TPRG1: variants seen among roughly 807,000 people sequenced by gnomAD.
The protein encoded by TPRG1 is tumor protein p63-regulated gene 1 protein.
A neutral mutation model predicts 29.3 loss-of-function variants in TPRG1; 29 were observed. The observed-to-expected ratio is 0.99, with a 90% CI of 0.74 to 1.35. TPRG1 has a LOEUF of 1.35. Among genes scored for constraint, TPRG1 ranks in the 40% most tolerant of loss-of-function variants. The pLI, the probability that TPRG1 is intolerant of heterozygous loss-of-function variation, is 0.00. For synonymous variants in TPRG1, 130 were observed against 116.8 expected, an observed-to-expected ratio of 1.11 and a Z score of -0.73; for missense variants, 327 against 335.0, an observed-to-expected ratio of 0.98 and a Z score of 0.19.
intron 4 of TPRG1, among the ~76,000 whole-genome samples, chr3:189,244,890 G>T (rs1579011400): frequency 6.6e-6 from 1 of 151,952 alleles, no homozygotes; most frequent in Non-Finnish European, 1.5e-5. Context: ...CTATTGTTTT[G>T]CTAATTACTA....
At chr3:189,230,654 T>C (rs184970918) in intron 3 of TPRG1, among the ~76,000 whole-genome samples, 54 of 152,314 alleles carry the variant, frequency 3.5e-4, no homozygotes, top group African/African-American at 1.2e-3. Flanking sequence ...TCTGTATTGA[T>C]GTGTCTGTCT....
At chr3:189,296,943 G>A (rs1028873016) in intron 4 of TPRG1, among the ~76,000 whole-genome samples, 1 of 152,026 alleles carries the variant, frequency 6.6e-6, no homozygotes, top group Non-Finnish European at 1.5e-5. Flanking sequence ...GCCTTTGGGT[G>A]CCTTTCATCA....
At chr3:189,315,125 T>A (rs1271249690) in intron 5 of TPRG1, among the ~76,000 whole-genome samples, 1 of 152,042 alleles carries the variant, frequency 6.6e-6, no homozygotes, top group East Asian at 1.9e-4. Context: ...TACCATTGCA[T>A]TCCAACCTAG....
intron 4 of TPRG1, among the ~76,000 whole-genome samples, chr3:189,295,844 C>T (rs77473343): frequency 0.09 from 13,585 of 150,268 alleles, 914 homozygotes; most frequent in African/African-American, 0.19. Context: ...CATAGTGAAA[C>T]GTTTTGCCAC....
At chr3:189,243,589 T>C (rs1310746812) in intron 4 of TPRG1, among the ~76,000 whole-genome samples, 1 of 151,524 alleles carries the variant, frequency 6.6e-6, no homozygotes, top group Non-Finnish European at 1.5e-5. Context: ...ATTTTCCAAC[T>C]TTTATGCTGT....
At chr3:189,243,139 A>G (rs1579004158) in intron 4 of TPRG1, among the ~76,000 whole-genome samples, 1 of 152,340 alleles carries the variant, frequency 6.6e-6, no homozygotes, top group East Asian at 1.9e-4. Flanking sequence ...TACAGGAAGC[A>G]TAATGGATTC....
chr3:189,256,875 CT>C (rs1338443436), intron 4 of TPRG1, among the ~76,000 whole-genome samples: 5 of 152,112 alleles, frequency 3.3e-5, no homozygotes, highest in African/African-American at 9.7e-5. Flanking sequence ...TCCTCCATCC[CT>C]TTATTTTGAG....
At chr3:189,070,691 G>A (rs373975784) in intron 4 of TPRG1, among the ~76,000 whole-genome samples, 1 of 152,128 alleles carries the variant, frequency 6.6e-6, no homozygotes, top group East Asian at 1.9e-4. Context: ...AAAATTCTTC[G>A]TGGCTACAGC....
chr3:189,228,226 A>T (rs1460542708), intron 3 of TPRG1, among the ~76,000 whole-genome samples: 1 of 152,024 alleles, frequency 6.6e-6, no homozygotes, highest in Non-Finnish European at 1.5e-5. Context: ...ACATTAATTT[A>T]CATTTTTTTT....
rs548929364 is a variant in TPRG1, at chr3:189,094,255, CTGAG to C, written c.-462-32800_-462-32797del. Among the ~76,000 whole-genome samples, 6 of 152,260 alleles carry C rather than the reference CTGAG, an allele frequency of 3.9e-5. No individual in the cohort carries two copies. In the East Asian group the frequency reaches 9.7e-4, roughly 25 times the overall value. On this transcript the variant is annotated intron_variant, in intron 4 of 10. Transcript: ENST00000433971. ...AAGTGGAAAGGGGGCCTCACTCAGC[CTGAG>C]TAAGTGGAGTACTGAACAGACATTG...
chr3:189,310,862 A>C (rs1264500773), intron 5 of TPRG1, among the ~76,000 whole-genome samples: 1 of 152,006 alleles, frequency 6.6e-6, no homozygotes, highest in Non-Finnish European at 1.5e-5. Flanking sequence ...TTATTCATGG[A>C]AGTGTGGAAT....
chr3:189,320,935 T>C lies in TPRG1; in HGVS notation c.*115T>C. 9.7e-7 allele frequency: 1 copy of C among 1,028,400 alleles called. No individual in the cohort carries two copies. The highest frequency in any genetic ancestry group is 1.3e-6 in the Non-Finnish European group (1 of 742,118). 63.7% of individuals were successfully genotyped at this position (1,028,400 alleles called of 1,614,324 possible). The stretch of plus-strand genomic sequence containing the variant: ...TTAATTATTTTTAAATGACGCTTTA[T>C]GATTTAGAAATTTAGTATTTCCGAA... On this transcript the variant is annotated 3_prime_UTR_variant, in exon 6 of 6. Transcript: ENST00000345063.
chr3:189,312,125 C>CTTTG (rs1423708945), intron 5 of TPRG1, among the ~76,000 whole-genome samples: 5 of 35,234 alleles, frequency 1.4e-4, no homozygotes, highest in East Asian at 5.2e-4. Context: ...TTGTTTCTTT[C>CTTTG]TTTCTTTCTT....
intron 3 of TPRG1, among the ~76,000 whole-genome samples, chr3:189,135,765 C>T (rs1000784028): frequency 1.3e-5 from 2 of 152,192 alleles, no homozygotes; most frequent in Non-Finnish European, 2.9e-5. Context: ...TCTAGCCTTT[C>T]CAGATGCAGT....
intron 4 of TPRG1, among the ~76,000 whole-genome samples, chr3:189,294,855 AT>A (rs542791911): frequency 2.2e-4 from 33 of 150,038 alleles, no homozygotes; most frequent in South Asian, 8.5e-4. Context: ...AAACTGGTTA[AT>A]TTTTTTTTTA....
chr3:189,219,372 C>T (rs1736583185), intron 3 of TPRG1, among the ~76,000 whole-genome samples: 1 of 152,120 alleles, frequency 6.6e-6, no homozygotes. Context: ...GTTTAGCTGA[C>T]ACCATTAAGA....
intron 4 of TPRG1, among the ~76,000 whole-genome samples, chr3:189,062,615 TA>T (rs1214858455): frequency 6.6e-6 from 1 of 152,040 alleles, no homozygotes; most frequent in East Asian, 1.9e-4. Context: ...CAATGATATT[TA>T]AAAGTGGAGA....
At chr3:189,259,658 C>T (rs1042419222) in intron 4 of TPRG1, among the ~76,000 whole-genome samples, 1 of 151,600 alleles carries the variant, frequency 6.6e-6, no homozygotes, top group Non-Finnish European at 1.5e-5. Flanking sequence ...TTGGTAGAGA[C>T]GGGGTTTCAG....
chr3:189,314,299 G>T (rs1171668134), intron 5 of TPRG1, among the ~76,000 whole-genome samples: 1 of 152,130 alleles, frequency 6.6e-6, no homozygotes, highest in African/African-American at 2.4e-5. Context: ...GGTGATATAG[G>T]TTTGAGATTA....
Sources: gnomAD v4.1 joint callset for allele counts (sites outside exome capture counted in the v4.1 genomes callset) on GRCh38, gnomAD v4.1.1 for gene constraint, MANE v1.5 for transcripts, NCBI Gene and HGNC (gene_info 2026-07-23, HGNC 2026-07-21) for gene names.